Variants in SRFBP1 observed in about 807,000 individuals in gnomAD.
SRFBP1 encodes serum response factor binding protein 1, also known as serum response factor-binding protein 1.
Under a neutral mutation model 45.5 loss-of-function variants are expected in SRFBP1, and 47 were observed. The ratio of observed to expected loss-of-function variants is 1.03; its 90% CI spans 0.82 to 1.32. The LOEUF (loss-of-function observed/expected upper bound fraction) is 1.32, where lower values mean the gene tolerates loss of function less well. Ranked by LOEUF, SRFBP1 falls within the 40% of genes most tolerant of loss-of-function variation. SRFBP1 has a pLI of 0.00. For synonymous variants in SRFBP1, 203 were observed against 166.3 expected, an observed-to-expected ratio of 1.22 and a Z score of -1.70; for missense variants, 621 against 484.6, an observed-to-expected ratio of 1.28 and a Z score of -2.64.
downstream of SRFBP1, among the ~76,000 whole-genome samples, chr5:122,032,883 C>T (rs1008818127): frequency 6.6e-6 from 1 of 152,088 alleles, no homozygotes; most frequent in Non-Finnish European, 1.5e-5. Flanking sequence ...TTTGTATGCC[C>T]ACTGCAGTGT....
chr5:121,981,039 A>G (rs979374739), intron 3 of SRFBP1, among the ~76,000 whole-genome samples: 1 of 152,044 alleles, frequency 6.6e-6, no homozygotes, highest in African/African-American at 2.4e-5. Context: ...TCTTTCCTCC[A>G]AGTAAGCTTG....
At chr5:122,026,391 T>A (rs1056976195) in intron 7 of SRFBP1, among the ~76,000 whole-genome samples, 5 of 152,228 alleles carry the variant, frequency 3.3e-5, no homozygotes, top group Non-Finnish European at 7.3e-5. Context: ...GAACTTTGTC[T>A]TATATTCTTG....
intron 2 of SRFBP1, chr5:122,066,811 C>T: frequency 1.9e-6 from 2 of 1,034,252 alleles, no homozygotes; most frequent in South Asian, 2.6e-5. Flanking sequence ...ATGAGTACAA[C>T]AGACAAATTT....
At chr5:122,028,870 C>T (rs80193227), downstream of SRFBP1, among the ~76,000 whole-genome samples, 6,748 of 152,218 alleles carry the variant, frequency 0.044, 174 homozygotes, top group African/African-American at 0.06. Context: ...GAAGGAGTTA[C>T]GGTCCAAGTA....
At chr5:121,993,917 G>A (rs1179946067) in intron 3 of SRFBP1, among the ~76,000 whole-genome samples, 2 of 151,196 alleles carry the variant, frequency 1.3e-5, no homozygotes, top group African/African-American at 4.9e-5. Flanking sequence ...CTTTTTCATT[G>A]TGACCGGAGA....
At chr5:121,967,342 G>A (rs185073913) in intron 1 of SRFBP1, among the ~76,000 whole-genome samples, 7 of 152,088 alleles carry the variant, frequency 4.6e-5, no homozygotes, top group Admixed American at 2.0e-4. Context: ...GGGCATTTCC[G>A]TAAGAACCAA....
At chr5:122,035,361 T>A (rs978646898) in intron 2 of SRFBP1, among the ~76,000 whole-genome samples, 1 of 152,114 alleles carries the variant, frequency 6.6e-6, no homozygotes, top group African/African-American at 2.4e-5. Context: ...TGTCAGCAGC[T>A]CTCAGGGCTT....
intron 4 of SRFBP1, among the ~76,000 whole-genome samples, chr5:122,005,108 G>T (rs74290046): frequency 1.3e-5 from 2 of 152,128 alleles, no homozygotes; most frequent in South Asian, 4.1e-4. Context: ...TTCTTGAGAA[G>T]AAGTATTCTG....
At chr5:122,035,281 C>T (rs1439762673) in intron 2 of SRFBP1, among the ~76,000 whole-genome samples, 2 of 152,106 alleles carry the variant, frequency 1.3e-5, no homozygotes, top group Non-Finnish European at 2.9e-5. Context: ...GCCCTGTCTC[C>T]CATCTTTCTC....
chr5:122,040,799 C>A (rs575967173), intron 2 of SRFBP1, among the ~76,000 whole-genome samples: 1 of 152,288 alleles, frequency 6.6e-6, no homozygotes, highest in South Asian at 2.1e-4. Context: ...ATGTTCTGCA[C>A]TTTAATACCT....
At chr5:122,040,649 G>A (rs1484267517) in intron 2 of SRFBP1, among the ~76,000 whole-genome samples, 3 of 152,116 alleles carry the variant, frequency 2.0e-5, no homozygotes, top group Admixed American at 6.6e-5. Flanking sequence ...ATTTGAAATA[G>A]GTGTGAATTA....
intron 2 of SRFBP1, among the ~76,000 whole-genome samples, chr5:122,044,450 C>T (rs1753821911): frequency 6.6e-6 from 1 of 152,052 alleles, no homozygotes; most frequent in Non-Finnish European, 1.5e-5. Context: ...AATGGCTGAA[C>T]TAATTTACAC....
At chr5:122,013,734 G>A (rs1052147455) in intron 4 of SRFBP1, among the ~76,000 whole-genome samples, 4 of 152,082 alleles carry the variant, frequency 2.6e-5, no homozygotes, top group African/African-American at 9.7e-5. Context: ...AGAACAAAAA[G>A]TCTGCTAACA....
At chr5:122,077,927 TGCACTAGCGCGCAGA>T (rs1009112323), downstream of SRFBP1, 1 of 1,511,200 alleles carries the variant, frequency 6.6e-7, no homozygotes, top group Non-Finnish European at 8.8e-7. The surrounding 1 kb of genome is among the most constrained non-coding windows in gnomAD (Gnocchi z 4.9). Flanking sequence ...AGGGGCGCAG[TGCACTAGCGCGCAGA>T]GCTGCAAAGG....
intron 2 of SRFBP1, among the ~76,000 whole-genome samples, chr5:122,052,702 A>T (rs1484644424): frequency 6.6e-6 from 1 of 151,962 alleles, no homozygotes; most frequent in African/African-American, 2.4e-5. Flanking sequence ...ATTCTCCTCA[A>T]CCTCAATGAT....
At chr5:122,070,630 G>A in intron 2 of SRFBP1, 1 of 1,041,264 alleles carries the variant, frequency 9.6e-7, no homozygotes, top group Non-Finnish European at 1.5e-6. Flanking sequence ...TATGGTATGT[G>A]GTCAGACTAT....
intron 2 of SRFBP1, among the ~76,000 whole-genome samples, chr5:122,048,565 G>C (rs889223516): frequency 1.3e-5 from 2 of 152,336 alleles, no homozygotes; most frequent in South Asian, 2.1e-4. Flanking sequence ...CTCATAAAAT[G>C]AGTTAGGGAG....
intron 2 of SRFBP1, among the ~76,000 whole-genome samples, chr5:122,074,822 G>A (rs768263477): frequency 9.9e-5 from 15 of 152,210 alleles, no homozygotes; most frequent in Non-Finnish European, 1.8e-4. Flanking sequence ...ATTTCAGGAA[G>A]TAAGTTTAAG....
chr5:122,034,267 C>T (rs1753647526), intron 2 of SRFBP1, among the ~76,000 whole-genome samples: 1 of 152,248 alleles, frequency 6.6e-6, no homozygotes, highest in Non-Finnish European at 1.5e-5. Context: ...AATATGTTTG[C>T]TGTCAACCCT....
Sources: gnomAD v4.1 joint callset for allele counts (sites outside exome capture counted in the v4.1 genomes callset) on GRCh38, gnomAD v4.1.1 for gene constraint, Gnocchi (gnomAD v3.1) non-coding constraint, MANE v1.5 for transcripts, NCBI Gene and HGNC (gene_info 2026-07-23, HGNC 2026-07-21) for gene names.